The following USP34 variants were observed in gnomAD, a reference collection of about 807,000 sequenced individuals.
USP34 encodes ubiquitin carboxyl-terminal hydrolase 34.
A neutral mutation model predicts 460.3 loss-of-function variants in USP34; 70 were observed. That is an observed-to-expected ratio of 0.15 (90% CI 0.13 to 0.19). The LOEUF is 0.19. Ranked by LOEUF, USP34 falls within the 10% of genes least tolerant of loss-of-function variation. USP34 has a pLI of 1.00. For missense variants in USP34, 3,985 were observed against 4,236.2 expected, an observed-to-expected ratio of 0.94 and a Z score of 1.65; for synonymous variants, 1,647 against 1,405.3, an observed-to-expected ratio of 1.17 and a Z score of -3.85.
chr2:61,303,485 A>C (rs1690293646), intron 27 of USP34, among the ~76,000 whole-genome samples: 1 of 152,214 alleles, frequency 6.6e-6, no homozygotes, highest in South Asian at 2.1e-4. Context: ...AGTGTATTTT[A>C]CTTTATTCAA....
intron 1 of USP34, among the ~76,000 whole-genome samples, chr2:61,443,382 TATG>T (rs1434554129): frequency 6.6e-5 from 10 of 152,028 alleles, no homozygotes; most frequent in African/African-American, 1.5e-4. Context: ...CACATCACTA[TATG>T]ATGAAATTTT....
intron 35 of USP34, among the ~76,000 whole-genome samples, chr2:61,283,669 T>C (rs2103961930): frequency 6.6e-6 from 1 of 152,084 alleles, no homozygotes; most frequent in African/African-American, 2.4e-5. Context: ...CAGGCTGGAG[T>C]GCAGTGGCAT....
chr2:61,241,052 T>C (rs1279385304), intron 53 of USP34, among the ~76,000 whole-genome samples: 1 of 151,936 alleles, frequency 6.6e-6, no homozygotes, highest in Admixed American at 6.6e-5. Context: ...GCCACCTTTT[T>C]AAATTTTTTT....
At chr2:61,218,261 T>C (rs575525219) in intron 67 of USP34, among the ~76,000 whole-genome samples, 1 of 149,524 alleles carries the variant, frequency 6.7e-6, no homozygotes, top group East Asian at 2.0e-4. Flanking sequence ...CACATAGCTC[T>C]TGGCTGTGTG....
At chr2:61,366,722 G>C (rs1692452360) in intron 10 of USP34, among the ~76,000 whole-genome samples, 1 of 152,104 alleles carries the variant, frequency 6.6e-6, no homozygotes, top group South Asian at 2.1e-4. Flanking sequence ...AAATTCCAAA[G>C]TATATACAAC....
intron 35 of USP34, 70 bp downstream of exon 35, chr2:61,284,805 C>A: frequency 1.6e-6 from 2 of 1,273,680 alleles, no homozygotes; most frequent in South Asian, 1.7e-5. Flanking sequence ...TAGAATTTTT[C>A]AAAATAAAGT....
rs1430881658 is a variant in USP34 at position 61,293,646 on chromosome 2, A to G, written c.4462-96T>C. The G allele has an allele frequency of 1.2e-5, 10 of 828,682 alleles. No homozygotes were observed. In the East Asian group the frequency reaches 2.7e-4, roughly 22 times the overall value. The allele number at this position is 828,682 out of a possible 1,614,324, so 51.3% of individuals were successfully genotyped here. ...TAACTGGATATGTAAAATATTACGT[A>G]TCTTTTATTTACACTACTATTCATT... On this transcript the variant is annotated intron_variant, in intron 32 of 79. Transcript: ENST00000398571.
intron 27 of USP34, among the ~76,000 whole-genome samples, chr2:61,309,147 A>G (rs1223722758): frequency 6.6e-6 from 1 of 152,244 alleles, no homozygotes; most frequent in Non-Finnish European, 1.5e-5. Flanking sequence ...AAGTACCTCT[A>G]AAATTGTGCA....
At chr2:61,196,909 C>T (rs569271354) in intron 75 of USP34, among the ~76,000 whole-genome samples, 89 of 152,206 alleles carry the variant, frequency 5.8e-4, no homozygotes, top group South Asian at 5.8e-3. Context: ...AAAAAAATAC[C>T]ATAGAGGCCT....
intron 27 of USP34, among the ~76,000 whole-genome samples, chr2:61,303,708 T>C (rs1423395636): frequency 1.3e-5 from 2 of 151,800 alleles, no homozygotes; most frequent in African/African-American, 4.8e-5. Context: ...GCCATTCTCC[T>C]GCCTCAGCCT....
chr2:61,289,651 A>G (rs1050142866), intron 33 of USP34, among the ~76,000 whole-genome samples: 2 of 152,118 alleles, frequency 1.3e-5, no homozygotes, highest in African/African-American at 4.8e-5. Flanking sequence ...TACCTATACT[A>G]TATTACTGAA....
At chr2:61,438,420 C>G (rs959367744) in intron 1 of USP34, among the ~76,000 whole-genome samples, 2 of 152,120 alleles carry the variant, frequency 1.3e-5, no homozygotes, top group African/African-American at 4.8e-5. Context: ...CGAGACCAGC[C>G]TGGCCAACAT....
intron 39 of USP34, 65 bp downstream of exon 39, chr2:61,280,178 CA>C: frequency 1.1e-6 from 1 of 936,044 alleles, no homozygotes; most frequent in Non-Finnish European, 1.6e-6. Context: ...AAGTCATGAA[CA>C]TATGTCATAA....
rs529951788 is a variant in USP34 at position 61,339,210 on chromosome 2, T to C, written c.2744+141A>G. On this transcript the variant is annotated intron_variant, in intron 18 of 79. Coordinates refer to ENST00000398571, the MANE Select transcript of USP34 (RefSeq NM_014709.4). ...GTTAAGAAGAAACCTCTAAATTTCATATGAAAACTATAATTACTAAAAAAC... is the reference window on the plus strand; with the variant it reads ...GTTAAGAAGAAACCTCTAAATTTCACATGAAAACTATAATTACTAAAAAAC... The C allele has an allele frequency of 2.8e-3, 2,266 of 815,406 alleles. 10 individuals carry two copies. The highest frequency in any genetic ancestry group is 3.4e-3 in the Non-Finnish European group (1,922 of 573,136). 50.5% of individuals were successfully genotyped at this position (815,406 alleles called of 1,614,324 possible).
chr2:61,416,721 TTA>T, intron 2 of USP34, among the ~76,000 whole-genome samples: 1 of 151,822 alleles, frequency 6.6e-6, no homozygotes, highest in Non-Finnish European at 1.5e-5. Flanking sequence ...ATTTTCTGAG[TTA>T]GTTTTCCTCC....
chr2:61,406,337 C>T (rs1693869797), intron 2 of USP34, among the ~76,000 whole-genome samples: 1 of 152,156 alleles, frequency 6.6e-6, no homozygotes, highest in South Asian at 2.1e-4. Context: ...GTTAGGTTTA[C>T]AGCTATTATC....
intron 29 of USP34, among the ~76,000 whole-genome samples, chr2:61,297,157 A>G (rs981697836): frequency 6.3e-4 from 96 of 152,356 alleles, no homozygotes; most frequent in African/African-American, 2.2e-3. Flanking sequence ...TTCCTCTAAG[A>G]CTGATCATGT....
intron 51 of USP34, among the ~76,000 whole-genome samples, chr2:61,242,238 T>C (rs367705355): frequency 6.6e-6 from 1 of 152,154 alleles, no homozygotes; most frequent in Admixed American, 6.5e-5. Context: ...AAATATCTCA[T>C]TGGCACGAAG....
chr2:61,434,043 C>A (rs971571159), intron 1 of USP34, among the ~76,000 whole-genome samples: 1 of 152,134 alleles, frequency 6.6e-6, no homozygotes, highest in African/African-American at 2.4e-5. Context: ...TGCCCATAAG[C>A]CAACCAAGCC....
Sources: allele counts gnomAD v4.1 joint callset (sites outside exome capture counted in the v4.1 genomes callset), GRCh38; gene constraint gnomAD v4.1.1; transcripts MANE v1.5; gene names NCBI Gene and HGNC (gene_info 2026-07-23, HGNC 2026-07-21).